Variants in MRPL34 observed in about 807,000 individuals in gnomAD.
The protein encoded by MRPL34 is large ribosomal subunit protein bL34m.
A neutral mutation model predicts 6.7 loss-of-function variants in MRPL34; 8 were observed. The ratio of observed to expected loss-of-function variants is 1.20; its 90% CI spans 0.70 to 2.16. The LOEUF (loss-of-function observed/expected upper bound fraction) is 2.16, where lower values mean the gene tolerates loss of function less well. Ranked by LOEUF, MRPL34 falls within the 30% of genes most tolerant of loss-of-function variation. MRPL34 has a pLI of 0.00. For missense variants in MRPL34, 146 were observed against 125.5 expected (o/e 1.16, Z -0.78); for synonymous variants, 59 against 55.1 (o/e 1.07, Z -0.31).
chr19:17,294,541 C>G (rs2074085106), intron 1 of MRPL34: 2 of 1,612,568 alleles, frequency 1.2e-6, no homozygotes, highest in Non-Finnish European at 1.7e-6. Flanking sequence ...GCCCCTTATG[C>G]CAGCCCGACT....
intron 1 of MRPL34, among the ~76,000 whole-genome samples, chr19:17,293,947 T>C (rs563246669): frequency 2.6e-5 from 4 of 152,264 alleles, no homozygotes; most frequent in Admixed American, 2.6e-4. Context: ...AAAGATCCCC[T>C]GGTGCCGGTC....
At chr19:17,298,720 GATTGAACAAC>G (rs1475394049), upstream of MRPL34, among the ~76,000 whole-genome samples, 4 of 148,050 alleles carry the variant, frequency 2.7e-5, no homozygotes, top group African/African-American at 9.9e-5. Context: ...ATAGTGCTGG[GATTGAACAAC>G]ACTGCTTTTT....
upstream of MRPL34, among the ~76,000 whole-genome samples, chr19:17,305,039 G>A (rs1292923274): frequency 1.6e-5 from 1 of 64,208 alleles, no homozygotes; most frequent in Admixed American, 1.5e-4. Context: ...CTCAGCCCTT[G>A]GAGAGGAAAG....
upstream of MRPL34, among the ~76,000 whole-genome samples, chr19:17,299,754 G>A (rs2074109218): frequency 6.6e-6 from 1 of 150,516 alleles, no homozygotes; most frequent in Non-Finnish European, 1.5e-5. Flanking sequence ...ATTGAAAAAT[G>A]GGATTTTTTT....
chr19:17,294,713 C>T (rs1406826069), intron 1 of MRPL34: 1 of 1,614,024 alleles, frequency 6.2e-7, no homozygotes, highest in African/African-American at 1.3e-5. Context: ...ACAAGCAGTG[C>T]AGGACGCAGG....
At chr19:17,298,536 G>A (rs1451369682), upstream of MRPL34, 1 of 152,004 alleles carries the variant, frequency 6.6e-6, no homozygotes, top group Non-Finnish European at 1.5e-5. Context: ...TAAGGCAGTG[G>A]TTCTCAGCTG....
rs763133252 is a variant in MRPL34 at position 17,306,151 on chromosome 19, C to T, written c.66-15C>T. On this transcript the variant is annotated splice_polypyrimidine_tract_variant and intron_variant, in intron 1 of 1. Transcript: ENST00000252602. ...GCCCCGTCTGACCTTTCTCGCCGTCCCTCTACCCACGCAGGTGGCTCCAGC... is the reference window on the plus strand; with the variant it reads ...GCCCCGTCTGACCTTTCTCGCCGTCTCTCTACCCACGCAGGTGGCTCCAGC... The T allele has an allele frequency of 1.9e-5, 29 of 1,514,114 alleles. No homozygotes were observed. The Admixed American group carries it at 6.5e-4, about 34-fold the overall frequency. 93.8% of individuals were successfully genotyped at this position (1,514,114 alleles called of 1,614,324 possible).
upstream of MRPL34, among the ~76,000 whole-genome samples, chr19:17,301,809 T>TG (rs397946390): frequency 2.9e-3 from 441 of 149,594 alleles, 4 homozygotes; most frequent in African/African-American, 9.0e-3. Context: ...TGTGTGTGTG[T>TG]TTTTGAGACA....
rs758780869 is a variant in MRPL34 at position 17,306,245 on chromosome 19, CGCGGGAATGAGTATCA to C, written c.148_163del (p.Gly50ArgfsTer16). 7 of 1,586,848 alleles carry C rather than the reference CGCGGGAATGAGTATCA, an allele frequency of 4.4e-6. No individual in the cohort carries two copies. The highest frequency in any genetic ancestry group is 6.0e-6 in the Non-Finnish European group (7 of 1,167,258). On this transcript the variant is annotated frameshift_variant, in exon 2 of 2. Transcript: ENST00000252602. LOFTEE classifies it high-confidence loss of function. The stretch of plus-strand genomic sequence containing the variant: ...CCCGCAGCAGGCCCGGGGCAAGGCT[CGCGGGAATGAGTATCA>C]GCCGAGCAACATCAAACGCAAGAAC...
At chr19:17,301,596 G>A (rs561881827), upstream of MRPL34, 27 of 1,565,468 alleles carry the variant, frequency 1.7e-5, no homozygotes, top group Admixed American at 1.9e-4. Context: ...AGAAGATACC[G>A]TCGGTCACCC....
exon 1 of MRPL34, chr19:17,292,823 G>A: frequency 1.9e-6 from 3 of 1,612,312 alleles, no homozygotes; most frequent in Non-Finnish European, 2.5e-6. Context: ...GGAATGCCAG[G>A]AGCAGGATCT....
At chr19:17,301,195 C>T (rs1309594251), upstream of MRPL34, 51 of 1,602,502 alleles carry the variant, frequency 3.2e-5, no homozygotes, top group Non-Finnish European at 4.1e-5. Flanking sequence ...ACTGCCACTG[C>T]CGCTGCCGCT....
upstream of MRPL34, among the ~76,000 whole-genome samples, chr19:17,298,921 T>C (rs1055000687): frequency 3.9e-5 from 6 of 151,924 alleles, no homozygotes; most frequent in African/African-American, 4.8e-5. Context: ...TTTGTACTTT[T>C]AGTAGAGATG....
upstream of MRPL34, among the ~76,000 whole-genome samples, chr19:17,304,750 G>A (rs1004564042): frequency 6.6e-6 from 1 of 152,068 alleles, no homozygotes; most frequent in Non-Finnish European, 1.5e-5. Flanking sequence ...GAAAGCAGTC[G>A]GGCCAGAAGA....
chr19:17,305,833 C>T (rs1438032908), upstream of MRPL34: 1 of 1,515,890 alleles, frequency 6.6e-7, no homozygotes, highest in Non-Finnish European at 9.2e-7. Flanking sequence ...TGTTCCAGGG[C>T]TGGAGCGGCT....
upstream of MRPL34, among the ~76,000 whole-genome samples, chr19:17,301,776 T>TTGTGTGTG (rs10679164): frequency 0.035 from 5,231 of 147,414 alleles, 140 homozygotes; most frequent in African/African-American, 0.07. Context: ...ATTTTTTTGT[T>TTGTGTGTG]TGTGTGTGTG....
At chr19:17,297,152 G>A (rs1255285563) in intron 1 of MRPL34, among the ~76,000 whole-genome samples, 1 of 152,246 alleles carries the variant, frequency 6.6e-6, no homozygotes, top group Non-Finnish European at 1.5e-5. Flanking sequence ...AGACCTGATT[G>A]TGTCAGGGAC....
chr19:17,294,958 CT>C, intron 1 of MRPL34: 1 of 1,323,514 alleles, frequency 7.6e-7, no homozygotes, highest in Non-Finnish European at 1.0e-6. Flanking sequence ...CAGTTTTACT[CT>C]GTCCCCCAGG....
chr19:17,301,535 C>T, upstream of MRPL34: 1 of 1,609,820 alleles, frequency 6.2e-7, no homozygotes, highest in Non-Finnish European at 8.5e-7. Flanking sequence ...TCGCTGGACT[C>T]GACGCTCTCC....
Sources: gnomAD v4.1 joint callset for allele counts (sites outside exome capture counted in the v4.1 genomes callset) on GRCh38, gnomAD v4.1.1 for gene constraint, MANE v1.5 for transcripts, NCBI Gene and HGNC (gene_info 2026-07-23, HGNC 2026-07-21) for gene names.